OR2L13: variants seen among roughly 807,000 people sequenced by gnomAD.
OR2L13 encodes olfactory receptor 2L13.
A neutral mutation model predicts 15.3 loss-of-function variants in OR2L13; 14 were observed. The observed-to-expected ratio is 0.91, with a 90% CI of 0.60 to 1.43. The LOEUF is 1.43. OR2L13 is among the 40% of genes most tolerant of loss of function. OR2L13 has a pLI of 0.00. For missense variants in OR2L13, 367 were observed against 387.9 expected (o/e 0.95, Z 0.45); for synonymous variants, 152 against 142.9 (o/e 1.06, Z -0.45).
the OR2L13 span, among the ~76,000 whole-genome samples, chr1:247,972,335 G>C: frequency 6.8e-6 from 1 of 147,096 alleles, no homozygotes; most frequent in East Asian, 2.0e-4. Context: ...TCCAGGAGCT[G>C]GTTTTTTGAA....
chr1:247,956,318 C>A, the OR2L13 span, among the ~76,000 whole-genome samples: 7 of 151,842 alleles, frequency 4.6e-5, no homozygotes, highest in Admixed American at 3.9e-4. Context: ...TGTTTTGGTA[C>A]CAGTACCATG....
At chr1:247,982,107 G>A in the OR2L13 span, among the ~76,000 whole-genome samples, 6 of 152,142 alleles carry the variant, frequency 3.9e-5, no homozygotes, top group East Asian at 9.6e-4. Context: ...GAGCCACCGC[G>A]CCTGGCCCAT....
the OR2L13 span, among the ~76,000 whole-genome samples, chr1:248,016,398 A>G: frequency 6.6e-6 from 1 of 152,156 alleles, no homozygotes; most frequent in African/African-American, 2.4e-5. Flanking sequence ...TTTCTGAGAA[A>G]TCTTCTTTCT....
chr1:248,066,805 T>C, the OR2L13 span, among the ~76,000 whole-genome samples: 1 of 152,208 alleles, frequency 6.6e-6, no homozygotes, highest in Non-Finnish European at 1.5e-5. Context: ...GTATCCTCTA[T>C]GCATTCTATA....
the OR2L13 span, chr1:248,039,219 T>C: frequency 2.4e-5 from 39 of 1,592,282 alleles, no homozygotes; most frequent in Non-Finnish European, 3.3e-5. Flanking sequence ...ATACGTTCTG[T>C]GTTAGAGTCA....
At chr1:247,971,140 C>G in the OR2L13 span, among the ~76,000 whole-genome samples, 1 of 151,934 alleles carries the variant, frequency 6.6e-6, no homozygotes, top group Admixed American at 6.6e-5. Context: ...CATGTGATCT[C>G]CAAAGATAAA....
At chr1:247,984,698 CA>C in the OR2L13 span, among the ~76,000 whole-genome samples, 4 of 152,130 alleles carry the variant, frequency 2.6e-5, no homozygotes, top group East Asian at 7.7e-4. Context: ...GGAATAATTT[CA>C]GTACATTTTA....
At chr1:248,056,653 T>C in the OR2L13 span, among the ~76,000 whole-genome samples, 3 of 144,650 alleles carry the variant, frequency 2.1e-5, no homozygotes, top group Admixed American at 2.3e-4. Context: ...TTCCCTGTAG[T>C]TGTGTGGTTT....
the OR2L13 span, among the ~76,000 whole-genome samples, chr1:247,970,577 C>A: frequency 6.6e-6 from 1 of 152,136 alleles, no homozygotes; most frequent in Non-Finnish European, 1.5e-5. Flanking sequence ...AAGACTAACT[C>A]TACAGTTTTC....
the OR2L13 span, among the ~76,000 whole-genome samples, chr1:247,985,569 T>G: frequency 6.6e-6 from 1 of 152,214 alleles, no homozygotes; most frequent in African/African-American, 2.4e-5. Context: ...ACAATAAACA[T>G]ACGTGTGCAT....
At chr1:247,941,088 T>A in the OR2L13 span, among the ~76,000 whole-genome samples, 1 of 152,190 alleles carries the variant, frequency 6.6e-6, no homozygotes, top group East Asian at 1.9e-4. Context: ...GTGCATTTTT[T>A]AATGGGGTTG....
upstream of OR2L13, among the ~76,000 whole-genome samples, chr1:248,093,401 AG>A (rs989780285): frequency 7.2e-5 from 11 of 152,214 alleles, no homozygotes; most frequent in African/African-American, 2.4e-4. Flanking sequence ...TGGATCTTAC[AG>A]GGACGGTAAC....
upstream of OR2L13, among the ~76,000 whole-genome samples, chr1:248,091,281 A>G (rs1367564502): frequency 6.6e-6 from 1 of 152,140 alleles, no homozygotes; most frequent in Non-Finnish European, 1.5e-5. Flanking sequence ...AGAGCTCTTT[A>G]ATTTAATTAG....
chr1:247,975,107 G>C, the OR2L13 span: 1 of 374,954 alleles, frequency 2.7e-6, no homozygotes, highest in East Asian at 7.3e-5. Context: ...TGATCATTAT[G>C]TAGCTGTTTG....
the OR2L13 span, among the ~76,000 whole-genome samples, chr1:248,018,029 C>G: frequency 6.6e-6 from 1 of 151,906 alleles, no homozygotes; most frequent in Non-Finnish European, 1.5e-5. Flanking sequence ...GTGGTGGGCC[C>G]CTGTAATCCC....
At chr1:247,950,816 G>A in the OR2L13 span, among the ~76,000 whole-genome samples, 220 of 152,090 alleles carry the variant, frequency 1.4e-3, 1 homozygote, top group African/African-American at 5.0e-3. Context: ...TAGATAGCAC[G>A]AATAAGAGCC....
At chr1:248,052,833 A>T in the OR2L13 span, among the ~76,000 whole-genome samples, 7 of 152,180 alleles carry the variant, frequency 4.6e-5, no homozygotes, top group East Asian at 1.2e-3. Flanking sequence ...ATTCATATAA[A>T]TTTTAGAATG....
the OR2L13 span, chr1:248,061,549 A>T: frequency 6.2e-7 from 1 of 1,613,884 alleles, no homozygotes; most frequent in Non-Finnish European, 8.5e-7. Context: ...CATCATCTAT[A>T]GCCTGAGGAA....
At chr1:247,941,921 T>C in the OR2L13 span, among the ~76,000 whole-genome samples, 1 of 152,202 alleles carries the variant, frequency 6.6e-6, no homozygotes, top group African/African-American at 2.4e-5. Context: ...TAATTCCCAT[T>C]TGGTCTCACA....
Sources: allele counts gnomAD v4.1 joint callset (sites outside exome capture counted in the v4.1 genomes callset), GRCh38; gene constraint gnomAD v4.1.1; transcripts MANE v1.5; gene names NCBI Gene and HGNC (gene_info 2026-07-23, HGNC 2026-07-21).